Variants in PHF2 observed in about 807,000 individuals in gnomAD.
The protein encoded by PHF2 is PHD finger protein 2, also known as lysine-specific demethylase PHF2.
In PHF2, 27 loss-of-function variants were observed where a neutral mutation model predicts 120.5. The observed-to-expected ratio is 0.22, with a 90% confidence interval of 0.17 to 0.31. The LOEUF (loss-of-function observed/expected upper bound fraction) is 0.31, where lower values mean the gene tolerates loss of function less well. Among genes scored for constraint, PHF2 ranks in the 10% least tolerant of loss-of-function variants. The pLI is 1.00. For synonymous variants in PHF2, 568 were observed against 592.5 expected (o/e 0.96, Z 0.60); for missense variants, 1,024 against 1,434.8 (o/e 0.71, Z 4.63).
At position 93,641,084 on chromosome 9, in the gene PHF2, A is replaced by G. The variant is rs1376895891; in HGVS notation, c.300-4545A>G. ...TTCTATAATTTCAGGATTAAATCTC[A>G]GTTTTGTAGAGTCTCTGGGCTGTGA... is the stretch of plus-strand genomic sequence containing the variant. On this transcript the variant is annotated intron_variant, in intron 3 of 21. Transcript: ENST00000359246. 3.3e-5 allele frequency among the ~76,000 whole-genome samples: 5 copies of G among 152,062 alleles called. No individual in the cohort carries two copies. The East Asian group carries it at 9.6e-4, about 29-fold the overall frequency.
intron 14 of PHF2, among the ~76,000 whole-genome samples, chr9:93,665,296 GC>G (rs1156933138): frequency 6.6e-6 from 1 of 152,242 alleles, no homozygotes; most frequent in Non-Finnish European, 1.5e-5. Context: ...TTGTCCAGTG[GC>G]CCTGGGACAG....
intron 1 of PHF2, among the ~76,000 whole-genome samples, chr9:93,615,270 T>G (rs1825711998): frequency 6.7e-6 from 1 of 150,264 alleles, no homozygotes; most frequent in African/African-American, 2.5e-5. Context: ...TGATTGGTGA[T>G]GGTGATGATA....
chr9:93,640,916 GT>G (rs1826162836), intron 3 of PHF2, among the ~76,000 whole-genome samples: 1 of 152,152 alleles, frequency 6.6e-6, no homozygotes, highest in Non-Finnish European at 1.5e-5. Context: ...GCTTCTTCTA[GT>G]TTGTTTGTTT....
rs1361092683 is a variant in PHF2, at chr9:93,663,448, A to C, written c.1819-69A>C. 4.3e-6 allele frequency: 4 copies of C among 923,084 alleles called. No homozygotes were observed. In the Admixed American group the frequency reaches 8.8e-5, roughly 20 times the overall value. The allele number at this position is 923,084 out of a possible 1,614,324, so 57.2% of individuals were successfully genotyped here. On this transcript the variant is annotated intron_variant, in intron 13 of 21. Coordinates refer to ENST00000359246, the MANE Select transcript of PHF2 (RefSeq NM_005392.4). ...TCCCAGTAGCTGCCTCTTCTCACTG[A>C]CACTAATTGGGGTCCTGACCCCCCA...
At chr9:93,628,836 T>G (rs1415108365) in intron 1 of PHF2, among the ~76,000 whole-genome samples, 2 of 152,230 alleles carry the variant, frequency 1.3e-5, no homozygotes, top group East Asian at 3.8e-4. Context: ...CTGCCCATTA[T>G]CCACTGTGTT....
Position 93,593,105 on chromosome 9 carries a change from A to AAAAAAAAGG in PHF2, c.98+16240_98+16241insAGGAAAAAA, listed in dbSNP as rs1554790887. ...ATGCCAAAAAAAAAAAAAAAAAAAA[A>AAAAAAAAGG]AAAAAAGAAAAAAAAAGGACTAAGA... On this transcript the variant is annotated intron_variant, in intron 1 of 21. Transcript: ENST00000359246. Among the ~76,000 whole-genome samples, 134 of 122,680 alleles carry AAAAAAAAGG rather than the reference A, an allele frequency of 1.1e-3. 9 individuals carry two copies. Among genetic ancestry groups the AAAAAAAAGG allele is most frequent in the African/African-American group, 4.1e-3 (123 of 30,114 alleles). 80.5% of individuals were successfully genotyped at this position (122,680 alleles called of 152,430 possible).
intron 17 of PHF2, among the ~76,000 whole-genome samples, chr9:93,669,736 A>G (rs996042769): frequency 6.6e-6 from 1 of 152,122 alleles, no homozygotes; most frequent in Non-Finnish European, 1.5e-5. Context: ...AAGTTGCCTC[A>G]CCAGCCCTAG....
At chr9:93,660,700 C>T (rs558898700) in intron 12 of PHF2, 140 bp downstream of exon 12, 1 of 771,136 alleles carries the variant, frequency 1.3e-6, no homozygotes, top group African/African-American at 1.8e-5. Flanking sequence ...GGTCTGGGCT[C>T]TTGCTGTGGG....
At chr9:93,642,017 C>T (rs1408168489) in intron 3 of PHF2, among the ~76,000 whole-genome samples, 1 of 152,172 alleles carries the variant, frequency 6.6e-6, no homozygotes, top group Admixed American at 6.5e-5. Context: ...CTTTTCCTAG[C>T]AACATTTATT....
chr9:93,618,804 G>T (rs1168778191), intron 1 of PHF2, among the ~76,000 whole-genome samples: 1 of 147,014 alleles, frequency 6.8e-6, no homozygotes, highest in Non-Finnish European at 1.5e-5. Context: ...GTATTTCTGT[G>T]TATGAGGGTG....
At chr9:93,622,138 G>A (rs1825836397) in intron 1 of PHF2, among the ~76,000 whole-genome samples, 1 of 152,172 alleles carries the variant, frequency 6.6e-6, no homozygotes, top group Non-Finnish European at 1.5e-5. Flanking sequence ...ATCACAGGGA[G>A]GGGTGAGGCC....
intron 5 of PHF2, among the ~76,000 whole-genome samples, chr9:93,651,071 G>A (rs1396760331): frequency 7.0e-6 from 1 of 143,174 alleles, no homozygotes; most frequent in Non-Finnish European, 1.5e-5. Flanking sequence ...GGGCAACAAA[G>A]CAGGATCCTG....
chr9:93,653,388 C>T (rs1826401915), intron 6 of PHF2, 23 bp downstream of exon 6: 1 of 1,610,308 alleles, frequency 6.2e-7, no homozygotes, highest in Non-Finnish European at 8.5e-7. Context: ...CCTCGGGGCA[C>T]CTCTGCCTTG....
At chr9:93,608,517 G>A (rs554338000) in intron 1 of PHF2, among the ~76,000 whole-genome samples, 2 of 151,732 alleles carry the variant, frequency 1.3e-5, no homozygotes, top group East Asian at 3.9e-4. Context: ...GTAGAAAGTT[G>A]ATATAATTTA....
chr9:93,679,307 C>T lies in PHF2; in HGVS notation c.*1631C>T. ...GTGGGAGAGGGGGAGTCTCACGGGG[C>T]CCCAGGCTTATTCAGAACTGGTGTT... On this transcript the variant is annotated 3_prime_UTR_variant, in exon 22 of 22. Transcript: ENST00000359246. 1 of 454,796 alleles carries T rather than the reference C, an allele frequency of 2.2e-6. No homozygotes were observed. The highest frequency in any genetic ancestry group is 1.6e-5 in the South Asian group (1 of 64,232). 28.2% of individuals were successfully genotyped at this position (454,796 alleles called of 1,614,324 possible). A position where few individuals can be genotyped will look rare whatever the true frequency, so the allele number is the denominator to read the frequency against.
At chr9:93,627,896 G>A (rs1825940861) in intron 1 of PHF2, among the ~76,000 whole-genome samples, 1 of 152,188 alleles carries the variant, frequency 6.6e-6, no homozygotes, top group Non-Finnish European at 1.5e-5. Context: ...AGCCAGGTGA[G>A]CCCTGCTGCT....
chr9:93,625,841 A>T (rs1287037983), intron 1 of PHF2, among the ~76,000 whole-genome samples: 1 of 152,038 alleles, frequency 6.6e-6, no homozygotes, highest in African/African-American at 2.4e-5. Context: ...TTGTAATTCT[A>T]TGTTTAATTT....
At chr9:93,642,039 C>T (rs1342712319) in intron 3 of PHF2, among the ~76,000 whole-genome samples, 1 of 152,188 alleles carries the variant, frequency 6.6e-6, no homozygotes, top group Non-Finnish European at 1.5e-5. Context: ...AAAAGACTGG[C>T]CTCTCCCCAT....
At chr9:93,659,914 G>A (rs1329023202) in intron 11 of PHF2, among the ~76,000 whole-genome samples, 2 of 152,188 alleles carry the variant, frequency 1.3e-5, no homozygotes, top group Admixed American at 1.3e-4. Context: ...CCCAGCTTGT[G>A]TGTTCCTGGA....
Sources: gnomAD v4.1 joint callset for allele counts (sites outside exome capture counted in the v4.1 genomes callset) on GRCh38, gnomAD v4.1.1 for gene constraint, MANE v1.5 for transcripts, NCBI Gene and HGNC (gene_info 2026-07-23, HGNC 2026-07-21) for gene names.